TLN2: variants seen among roughly 807,000 people sequenced by gnomAD.
TLN2 encodes the protein talin 2, also known as talin-2.
Under a neutral mutation model 294.7 loss-of-function variants are expected in TLN2, and 118 were observed. That is an observed-to-expected ratio of 0.40 (90% CI 0.34 to 0.47). TLN2 has a LOEUF of 0.47. Among genes scored for constraint, TLN2 ranks in the 20% least tolerant of loss-of-function variants. The pLI is 0.84. For missense variants in TLN2, 3,083 were observed against 3,282.2 expected, an observed-to-expected ratio of 0.94 and a Z score of 1.48; for synonymous variants, 1,431 against 1,304.5, an observed-to-expected ratio of 1.10 and a Z score of -2.09.
chr15:62,410,700 T>G (rs770277968), intron 1 of TLN2, among the ~76,000 whole-genome samples: 3 of 152,220 alleles, frequency 2.0e-5, no homozygotes, highest in African/African-American at 7.2e-5. Flanking sequence ...TCTTAGTCAT[T>G]TCTTTCTTAG....
At chr15:62,811,027 G>T (rs1233922570) in intron 52 of TLN2, among the ~76,000 whole-genome samples, 1 of 152,210 alleles carries the variant, frequency 6.6e-6, no homozygotes, top group African/African-American at 2.4e-5. Flanking sequence ...CAGAAAGCTT[G>T]TCCCTTGGTT....
intron 3 of TLN2, among the ~76,000 whole-genome samples, chr15:62,646,131 G>GTCTCGTCTCA (rs778581942): frequency 2.0e-5 from 3 of 151,704 alleles, no homozygotes; most frequent in African/African-American, 7.3e-5. Context: ...CTAAACCTGT[G>GTCTCGTCTCA]TCTCGTCTCA....
At position 62,511,108 on chromosome 15, in the gene TLN2, C is replaced by T. The variant is rs185926818; in HGVS notation, c.-237-78579C>T. 1.1e-3 allele frequency among the ~76,000 whole-genome samples: 162 copies of T among 152,318 alleles called. 2 individuals are homozygous for T. Among genetic ancestry groups the T allele is most frequent in the East Asian group, 5.2e-3 (27 of 5,176 alleles). On this transcript the variant is annotated intron_variant, in intron 1 of 58. Coordinates refer to ENST00000636159, the MANE Select transcript of TLN2 (RefSeq NM_015059.3). ...ATGGAGTGACCTCCAGACATTGACC[C>T]CTCCTGTGGTTGTACTGTTTCAAGC...
At chr15:62,734,297 G>C (rs2060886273) in intron 28 of TLN2, among the ~76,000 whole-genome samples, 1 of 152,134 alleles carries the variant, frequency 6.6e-6, no homozygotes, top group South Asian at 2.1e-4. Flanking sequence ...GTGGATTCAA[G>C]AGTCCATATG....
chr15:62,761,282 G>C (rs775026626), intron 37 of TLN2, among the ~76,000 whole-genome samples: 10 of 152,290 alleles, frequency 6.6e-5, no homozygotes, highest in Non-Finnish European at 1.2e-4. Flanking sequence ...GAAGAGAATA[G>C]ATTTAATCTG....
rs544121749 is a variant in TLN2, at chr15:62,461,819, A to G, written c.-238+71134A>G. On this transcript the variant is annotated intron_variant, in intron 1 of 58. Coordinates refer to ENST00000636159, the MANE Select transcript of TLN2 (RefSeq NM_015059.3). ...ACTCACAGAAATTGCTGGTGGCTCAAGAGTGGCCTGGTGAGCGCAGAGTGA... is the reference window on the plus strand; with the variant it reads ...ACTCACAGAAATTGCTGGTGGCTCAGGAGTGGCCTGGTGAGCGCAGAGTGA... 3.9e-5 allele frequency among the ~76,000 whole-genome samples: 6 copies of G among 152,358 alleles called. No individual in the cohort carries two copies. In the South Asian group the frequency reaches 6.2e-4, roughly 16 times the overall value.
chr15:62,544,611 G>T (rs1345354877), intron 1 of TLN2, among the ~76,000 whole-genome samples: 5 of 152,156 alleles, frequency 3.3e-5, no homozygotes, highest in African/African-American at 1.2e-4. Context: ...ATTTCCTGGA[G>T]ACCGCTTCTG....
chr15:62,745,532 A>G (rs984213379), intron 32 of TLN2, among the ~76,000 whole-genome samples: 5 of 152,258 alleles, frequency 3.3e-5, no homozygotes, highest in East Asian at 1.9e-4. Flanking sequence ...ATCATTTTCT[A>G]TGCATATATA....
chr15:62,741,473 C>T (rs1415034937), intron 32 of TLN2, among the ~76,000 whole-genome samples: 1 of 152,068 alleles, frequency 6.6e-6, no homozygotes. Context: ...CAGTGACAGC[C>T]CAGGGGGTTC....
At chr15:62,709,396 G>A (rs1360417132) in intron 21 of TLN2, among the ~76,000 whole-genome samples, 4 of 152,178 alleles carry the variant, frequency 2.6e-5, no homozygotes, top group Non-Finnish European at 5.9e-5. Context: ...GGTGATCCAC[G>A]CAGAGGAGCA....
intron 1 of TLN2, among the ~76,000 whole-genome samples, chr15:62,557,453 A>G (rs141728810): frequency 6.6e-6 from 1 of 152,234 alleles, no homozygotes; most frequent in African/African-American, 2.4e-5. Context: ...GCACTTTTAC[A>G]TGGCAGGGGT....
rs1417151469 is a variant in TLN2 at position 62,683,243 on chromosome 15, C to G, written c.958-3398C>G. On this transcript the variant is annotated intron_variant, in intron 11 of 58. Coordinates refer to ENST00000636159, the MANE Select transcript of TLN2 (RefSeq NM_015059.3). ...TGCATTCCTCCATCCAGTTCTGGAT[C>G]TCAGATGTGAGGCAGAGGTGATGCA... Among the ~76,000 whole-genome samples, 4 of 152,210 alleles carry G rather than the reference C, an allele frequency of 2.6e-5. No homozygotes were observed. The South Asian group carries it at 8.3e-4, about 32-fold the overall frequency.
At chr15:62,767,348 GT>G (rs71431453) in intron 41 of TLN2, among the ~76,000 whole-genome samples, 3 of 121,588 alleles carry the variant, frequency 2.5e-5, no homozygotes, top group East Asian at 2.4e-4. Context: ...TCTTTTCTTT[GT>G]TTTTTTTTTC....
chr15:62,574,872 G>A (rs947524748), intron 1 of TLN2, among the ~76,000 whole-genome samples: 30 of 151,958 alleles, frequency 2.0e-4, no homozygotes, highest in African/African-American at 7.0e-4. Flanking sequence ...GCTTTTTTCT[G>A]TCTAAAAATA....
chr15:62,531,402 T>TGG (rs1427963302), intron 1 of TLN2, among the ~76,000 whole-genome samples: 3 of 152,180 alleles, frequency 2.0e-5, no homozygotes, highest in Non-Finnish European at 4.4e-5. Context: ...TACCAGGGGT[T>TGG]GGGCTGGTTG....
rs1029211252 is a variant in TLN2 at position 62,820,740 on chromosome 15, G to A, written c.7002+130G>A. 3.1e-5 allele frequency: 38 copies of A among 1,221,050 alleles called. 1 individual carries two copies. Among genetic ancestry groups the A allele is most frequent in the Non-Finnish European group, 4.2e-5 (37 of 888,644 alleles). The allele number at this position is 1,221,050 out of a possible 1,614,324, so 75.6% of individuals were successfully genotyped here. On this transcript the variant is annotated intron_variant, in intron 54 of 58. Coordinates refer to ENST00000636159, the MANE Select transcript of TLN2 (RefSeq NM_015059.3). ...TGGTCAGACTAGCAAGCAGAAAACCGGATCTACCTGCCCGGCACTGCTTTA... is the reference window on the plus strand; with the variant it reads ...TGGTCAGACTAGCAAGCAGAAAACCAGATCTACCTGCCCGGCACTGCTTTA...
intron 17 of TLN2, 121 bp downstream of exon 17, chr15:62,701,335 T>G: frequency 2.4e-4 from 189 of 787,048 alleles, no homozygotes; most frequent in Middle Eastern, 3.8e-4. Context: ...TATGAGAGGA[T>G]AGTCTAAGGC....
At chr15:62,570,141 G>A (rs940907015) in intron 1 of TLN2, among the ~76,000 whole-genome samples, 2 of 152,182 alleles carry the variant, frequency 1.3e-5, no homozygotes, top group African/African-American at 4.8e-5. Context: ...TGATGTGTAT[G>A]TGTTTCCAAA....
intron 1 of TLN2, among the ~76,000 whole-genome samples, chr15:62,400,281 A>G (rs1010875101): frequency 6.6e-6 from 1 of 152,202 alleles, no homozygotes; most frequent in African/African-American, 2.4e-5. Flanking sequence ...TCCTTTATCA[A>G]TTACCCAGTC....
Sources: allele counts gnomAD v4.1 joint callset (sites outside exome capture counted in the v4.1 genomes callset), GRCh38; gene constraint gnomAD v4.1.1; transcripts MANE v1.5; gene names NCBI Gene and HGNC (gene_info 2026-07-23, HGNC 2026-07-21).